The following SIMC1 variants were observed in gnomAD, a reference collection of about 807,000 sequenced individuals.
SIMC1 encodes SUMO interacting motifs containing 1.
In SIMC1, 55 loss-of-function variants were observed where a neutral mutation model predicts 82.3. The ratio of observed to expected loss-of-function variants is 0.67; its 90% CI spans 0.54 to 0.84. SIMC1 has a LOEUF of 0.84. SIMC1 is among the 40% of genes least tolerant of loss of function. The probability of loss-of-function intolerance (pLI) is 0.00; values close to 1 mark genes in which losing one functional copy is unlikely to be tolerated. For missense variants in SIMC1, 915 were observed against 1,107.2 expected, an observed-to-expected ratio of 0.83 and a Z score of 2.46; for synonymous variants, 353 against 426.3, an observed-to-expected ratio of 0.83 and a Z score of 2.12.
At chr5:176,306,012 G>A (rs1319197938) in intron 4 of SIMC1, among the ~76,000 whole-genome samples, 28 of 59,728 alleles carry the variant, frequency 4.7e-4, no homozygotes, top group African/African-American at 1.5e-3. Flanking sequence ...CCGGCCAGCC[G>A]CCCCGTCCGG....
chr5:176,259,871 G>T (rs1228480786), intron 1 of SIMC1, among the ~76,000 whole-genome samples: 1 of 151,756 alleles, frequency 6.6e-6, no homozygotes, highest in Non-Finnish European at 1.5e-5. Flanking sequence ...CAGTTTTTGT[G>T]TATTGCTCCA....
intron 3 of SIMC1, among the ~76,000 whole-genome samples, chr5:176,295,969 G>A (rs1763798283): frequency 6.6e-6 from 1 of 152,148 alleles, no homozygotes. Context: ...TTCATTTTGG[G>A]GTTCTGGTAG....
At chr5:176,285,399 T>C (rs199959908) in intron 1 of SIMC1, among the ~76,000 whole-genome samples, 27 of 148,636 alleles carry the variant, frequency 1.8e-4, no homozygotes, top group African/African-American at 5.6e-4. Context: ...CATGATTATC[T>C]CAATAGATGC....
chr5:176,304,914 C>T (rs1254992051), intron 4 of SIMC1, among the ~76,000 whole-genome samples: 60 of 138,412 alleles, frequency 4.3e-4, no homozygotes, highest in Non-Finnish European at 8.1e-4. Context: ...TCTGCCCGGC[C>T]GCCCCGTCTG....
intron 2 of SIMC1, among the ~76,000 whole-genome samples, chr5:176,293,702 C>T (rs987410707): frequency 4.5e-4 from 68 of 150,264 alleles, no homozygotes; most frequent in African/African-American, 1.6e-3. Context: ...GAGCCATGAT[C>T]ATGCCACTGT....
intron 4 of SIMC1, among the ~76,000 whole-genome samples, chr5:176,298,652 A>G (rs1475482875): frequency 6.6e-6 from 1 of 152,192 alleles, no homozygotes; most frequent in East Asian, 1.9e-4. Context: ...ATGGGTATAC[A>G]GTATATAAAG....
At chr5:176,268,539 C>A (rs574115497) in intron 1 of SIMC1, among the ~76,000 whole-genome samples, 5 of 150,700 alleles carry the variant, frequency 3.3e-5, no homozygotes, top group Admixed American at 1.3e-4. Context: ...CTATTCTTAC[C>A]AGAAAAACAA....
rs750599175 is a variant in SIMC1, at chr5:176,324,799, AAAAC to A, written c.2171+46_2171+49del. On this transcript the variant is annotated intron_variant, in intron 7 of 9. Coordinates refer to ENST00000429602, the MANE Select transcript of SIMC1 (RefSeq NM_001308195.2). The stretch of plus-strand genomic sequence containing the variant: ...TTGGGGAGAGCAGTTATTTAAAAAA[AAAAC>A]AAAAAAAACTCTTGGAAATCATTTT... The A allele has an allele frequency of 8.6e-6, 13 of 1,503,520 alleles. No individual in the cohort carries two copies. The South Asian group carries it at 1.7e-4, about 20-fold the overall frequency. The allele number at this position is 1,503,520 out of a possible 1,614,324, so 93.1% of individuals were successfully genotyped here.
At chr5:176,247,221 T>G (rs183184813) in intron 1 of SIMC1, among the ~76,000 whole-genome samples, 3 of 152,262 alleles carry the variant, frequency 2.0e-5, no homozygotes, top group Admixed American at 6.5e-5. Flanking sequence ...TTACACTCCC[T>G]CCAACAGATT....
Position 176,290,937 on chromosome 5 carries a change from G to A in SIMC1, c.1413G>A (p.Pro471=), listed in dbSNP as rs777072396. ...ACCTCTTCTTTCAGACGCTAATACC[G>A]GATAAAGACACAAGAGAGGTGAGCT... is the stretch of plus-strand genomic sequence containing the variant. ...VHHLFFQTLI[P]DKDTRENKGQ... is the part of the protein sequence containing the mutation. Residue 471 remains proline, a synonymous_variant, in exon 2 of 10, where the codon CCG becomes CCA. Transcript: ENST00000429602. The A allele has an allele frequency of 1.6e-5, 26 of 1,594,568 alleles. No homozygotes were observed. The highest frequency in any genetic ancestry group is 5.7e-5 in the South Asian group (5 of 87,910).
At position 176,322,342 on chromosome 5, in the gene SIMC1, A is replaced by G. The variant is rs748507742; in HGVS notation, c.1959A>G (p.Gln653=). 5 of 1,596,672 alleles carry G rather than the reference A, an allele frequency of 3.1e-6. No individual in the cohort carries two copies. The highest frequency in any genetic ancestry group is 3.4e-6 in the Non-Finnish European group (4 of 1,171,472). Residue 653 remains glutamine (Q), a synonymous_variant, in exon 6 of 10, where the codon CAA becomes CAG. Coordinates refer to ENST00000429602, the MANE Select transcript of SIMC1 (RefSeq NM_001308195.2). ...TGACTCAGCCCCCAAATGGAAATCA[A>G]ACGTCTTCAGGAACAGGAATCTTGA... ...DGLTQPPNGN[Q]TSSGTGILKA...
chr5:176,298,584 C>T (rs537738938), intron 4 of SIMC1, among the ~76,000 whole-genome samples: 73 of 152,292 alleles, frequency 4.8e-4, no homozygotes, highest in African/African-American at 1.7e-3. Context: ...AAAATCATGC[C>T]ACTGCACTCC....
chr5:176,331,650 AAAAC>A (rs900333987), intron 7 of SIMC1, among the ~76,000 whole-genome samples: 2 of 151,714 alleles, frequency 1.3e-5, no homozygotes, highest in Admixed American at 6.6e-5. Flanking sequence ...AATTCAAAGA[AAAAC>A]AGACAGACAG....
rs763567308 is a variant in SIMC1, at chr5:176,336,894, C to T, written c.2328+18C>T. 8 of 1,613,576 alleles carry T rather than the reference C, an allele frequency of 5.0e-6. No individual in the cohort carries two copies. The highest frequency in any genetic ancestry group is 3.3e-4 in the Middle Eastern group (2 of 6,034). The stretch of plus-strand genomic sequence containing the variant: ...AGTGTCAGGTACATTTTTTCCTGCC[C>T]AATTTCAGGCCTAGAGCACCTCTCT... On this transcript the variant is annotated intron_variant, in intron 8 of 9. Transcript: ENST00000429602.
intron 1 of SIMC1, among the ~76,000 whole-genome samples, chr5:176,271,944 TA>T (rs1440754774): frequency 9.3e-5 from 13 of 139,514 alleles, no homozygotes; most frequent in Non-Finnish European, 1.7e-4. Context: ...TATACTATTA[TA>T]TATTATATAT....
At chr5:176,260,579 G>A (rs1376208978) in intron 1 of SIMC1, among the ~76,000 whole-genome samples, 4 of 150,464 alleles carry the variant, frequency 2.7e-5, no homozygotes, top group Admixed American at 6.7e-5. Flanking sequence ...ATTAAAATAC[G>A]GTTTTTTTTC....
At chr5:176,344,135 C>T (rs1766284264) in intron 9 of SIMC1, among the ~76,000 whole-genome samples, 1 of 152,016 alleles carries the variant, frequency 6.6e-6, no homozygotes, top group Admixed American at 6.6e-5. Context: ...CTAATAGTGT[C>T]CCAGTAATAT....
At chr5:176,297,052 A>G (rs2113286001) in intron 4 of SIMC1, among the ~76,000 whole-genome samples, 1 of 152,322 alleles carries the variant, frequency 6.6e-6, no homozygotes, top group Admixed American at 6.5e-5. Context: ...TTAGAAACAC[A>G]ATATCTAATA....
At chr5:176,335,676 C>T (rs2113407324) in intron 7 of SIMC1, among the ~76,000 whole-genome samples, 1 of 152,182 alleles carries the variant, frequency 6.6e-6, no homozygotes, top group Non-Finnish European at 1.5e-5. Flanking sequence ...CTTTGTAGAT[C>T]TCTGAGTTTA....
Sources: gnomAD v4.1 joint callset for allele counts (sites outside exome capture counted in the v4.1 genomes callset) on GRCh38, gnomAD v4.1.1 for gene constraint, MANE v1.5 for transcripts, NCBI Gene and HGNC (gene_info 2026-07-23, HGNC 2026-07-21) for gene names.